The following NTN4 variants were observed in gnomAD, a reference collection of about 807,000 sequenced individuals.
The protein encoded by NTN4 is netrin 4, also known as netrin-4.
A neutral mutation model predicts 73.6 loss-of-function variants in NTN4; 32 were observed. The ratio of observed to expected loss-of-function variants is 0.44; its 90% CI spans 0.33 to 0.58. The LOEUF is 0.58. Ranked by LOEUF, NTN4 falls within the 20% of genes least tolerant of loss-of-function variation. NTN4 has a pLI of 0.04. For missense variants in NTN4, 654 were observed against 798.3 expected, an observed-to-expected ratio of 0.82 and a Z score of 2.18; for synonymous variants, 258 against 287.5, an observed-to-expected ratio of 0.90 and a Z score of 1.04.
intron 2 of NTN4, among the ~76,000 whole-genome samples, chr12:95,745,181 T>C (rs1172926858): frequency 2.0e-5 from 3 of 152,142 alleles, no homozygotes; most frequent in Admixed American, 6.5e-5. Flanking sequence ...CTTGGATCCA[T>C]GGATTTATAG....
In NTN4 at chr12:95,789,749, G is replaced by C. The variant is rs184776566; in HGVS notation, c.55+506C>G. 168 of 153,622 alleles carry C rather than the reference G, an allele frequency of 1.1e-3. No homozygotes were observed. The highest frequency in any genetic ancestry group is 3.3e-3 in the South Asian group (16 of 4,860). 9.5% of individuals were successfully genotyped at this position (153,622 alleles called of 1,614,324 possible). ...CCACTGCGTTCCAGTCACTGCTCCGGGGAGAGGGCGCTCAGCCCTGCCCCA... is the reference window on the plus strand; with the variant it reads ...CCACTGCGTTCCAGTCACTGCTCCGCGGAGAGGGCGCTCAGCCCTGCCCCA... On this transcript the variant is annotated intron_variant, in intron 1 of 9. Transcript: ENST00000343702. The surrounding 1 kb of genome is among the most constrained non-coding windows in gnomAD (Gnocchi z 4.0).
At position 95,682,696 on chromosome 12, in the gene NTN4, A is replaced by G; in HGVS notation, c.1510+11T>C. 1 of 1,574,776 alleles carries G rather than the reference A, an allele frequency of 6.4e-7. No homozygotes were observed. ...ACCTGAAAATATGATGCCTGGTTAC[A>G]TCCATCTCACCTGAGTGTAGAAGTG... On this transcript the variant is annotated intron_variant, in intron 7 of 9. Transcript: ENST00000343702.
chr12:95,737,736 G>T, intron 3 of NTN4, 130 bp downstream of exon 3: 2 of 775,482 alleles, frequency 2.6e-6, no homozygotes, highest in Non-Finnish European at 4.1e-6. Context: ...TATAGGATGA[G>T]TATGGAGTCG....
intron 2 of NTN4, among the ~76,000 whole-genome samples, chr12:95,747,574 G>A (rs1287148073): frequency 6.6e-6 from 1 of 152,032 alleles, no homozygotes; most frequent in Middle Eastern, 3.2e-3. Flanking sequence ...AAAGTTTTGG[G>A]ATTACAGGCA....
intron 3 of NTN4, among the ~76,000 whole-genome samples, chr12:95,726,068 G>C (rs1220896358): frequency 1.3e-5 from 2 of 150,898 alleles, no homozygotes; most frequent in African/African-American, 4.9e-5. Context: ...TTCTGTTTTT[G>C]TTTGGGTTTT....
At chr12:95,700,821 T>C (rs2078479869) in intron 5 of NTN4, among the ~76,000 whole-genome samples, 1 of 147,472 alleles carries the variant, frequency 6.8e-6, no homozygotes, top group South Asian at 2.2e-4. Context: ...TTTCTTTTTT[T>C]TTTTTTTTTT....
At chr12:95,732,731 T>A (rs2078747638) in intron 3 of NTN4, among the ~76,000 whole-genome samples, 1 of 152,120 alleles carries the variant, frequency 6.6e-6, no homozygotes, top group African/African-American at 2.4e-5. Flanking sequence ...TTTGGCTTAT[T>A]CATAGAACAT....
At chr12:95,663,120 TA>T (rs893062157) in intron 9 of NTN4, among the ~76,000 whole-genome samples, 6 of 125,270 alleles carry the variant, frequency 4.8e-5, no homozygotes, top group African/African-American at 1.9e-4. Context: ...ACCCTGTCTT[TA>T]AAAAAAGAAA....
At chr12:95,775,860 T>A (rs1301115430) in intron 2 of NTN4, among the ~76,000 whole-genome samples, 4 of 152,168 alleles carry the variant, frequency 2.6e-5, no homozygotes, top group Non-Finnish European at 5.9e-5. Flanking sequence ...GAGTTTGAGA[T>A]CTGAGAATGG....
At chr12:95,694,328 T>A (rs1409397626) in intron 5 of NTN4, among the ~76,000 whole-genome samples, 1 of 152,014 alleles carries the variant, frequency 6.6e-6, no homozygotes, top group African/African-American at 2.4e-5. Context: ...CGGCGGCCAC[T>A]CCCTCCGCGC....
chr12:95,771,286 G>C (rs1272334093), intron 2 of NTN4, among the ~76,000 whole-genome samples: 1 of 152,264 alleles, frequency 6.6e-6, no homozygotes, highest in East Asian at 1.9e-4. Context: ...ACCGCGCGGG[G>C]CCAAGAATTT....
chr12:95,702,967 C>T (rs1399634112), intron 5 of NTN4, among the ~76,000 whole-genome samples: 1 of 150,770 alleles, frequency 6.6e-6, no homozygotes, highest in Non-Finnish European at 1.5e-5. Flanking sequence ...GAGCGATTCT[C>T]CTGCCTCAGC....
chr12:95,696,998 CCT>C (rs955466330), intron 5 of NTN4, among the ~76,000 whole-genome samples: 5 of 151,694 alleles, frequency 3.3e-5, no homozygotes, highest in African/African-American at 1.2e-4. Flanking sequence ...AGCAAGAGCC[CCT>C]CTCTACAAAA....
At chr12:95,754,383 C>T (rs1162198066) in intron 2 of NTN4, among the ~76,000 whole-genome samples, 4 of 152,086 alleles carry the variant, frequency 2.6e-5, no homozygotes, top group Admixed American at 2.6e-4. Context: ...CCATACCACC[C>T]CCAAAAATTT....
rs2078824459 is a variant in NTN4, at chr12:95,741,440, TA to T, written c.586-3297del. 3.5e-5 allele frequency among the ~76,000 whole-genome samples: 3 copies of T among 84,724 alleles called. No homozygotes were observed. The East Asian group carries it at 8.6e-4, about 24-fold the overall frequency. 55.6% of individuals were successfully genotyped at this position (84,724 alleles called of 152,430 possible). ...ATTATGTATAAATTATATATATATA[TA>T]TATATATATATATATATATATATAT... On this transcript the variant is annotated intron_variant, in intron 2 of 9. Transcript: ENST00000343702.
intron 3 of NTN4, among the ~76,000 whole-genome samples, chr12:95,717,911 C>T (rs950819138): frequency 6.6e-6 from 1 of 152,110 alleles, no homozygotes; most frequent in Admixed American, 6.6e-5. Context: ...CATAAACTTC[C>T]CTGTTATGCT....
chr12:95,750,819 T>C (rs2078901234), intron 2 of NTN4, among the ~76,000 whole-genome samples: 1 of 152,200 alleles, frequency 6.6e-6, no homozygotes, highest in African/African-American at 2.4e-5. Context: ...CCTCTGCTTC[T>C]CCACCCTATA....
At chr12:95,665,702 A>G in intron 9 of NTN4, 108 bp downstream of exon 9, 1 of 780,454 alleles carries the variant, frequency 1.3e-6, no homozygotes, top group South Asian at 2.4e-5. Context: ...GGTGAAAGGG[A>G]GAGATGTTCT....
chr12:95,666,107 T>A, intron 8 of NTN4, 127 bp from the exon 9 acceptor site: 1 of 716,210 alleles, frequency 1.4e-6, no homozygotes, highest in Non-Finnish European at 2.2e-6. Flanking sequence ...AAATTTGCTT[T>A]AAAAATCATT....
Sources: gnomAD v4.1 joint callset for allele counts (sites outside exome capture counted in the v4.1 genomes callset) on GRCh38, gnomAD v4.1.1 for gene constraint, Gnocchi (gnomAD v3.1) non-coding constraint, MANE v1.5 for transcripts, NCBI Gene and HGNC (gene_info 2026-07-23, HGNC 2026-07-21) for gene names.